BEST1: variants seen among roughly 807,000 people sequenced by gnomAD.
BEST1 encodes bestrophin 1, also known as bestrophin-1.
BEST1 carries 58 observed loss-of-function variants against 63.3 expected under a neutral mutation model. That is an observed-to-expected ratio of 0.92 (90% CI 0.74 to 1.14). The LOEUF is 1.14. Ranked by LOEUF, BEST1 falls within the 50% of genes most tolerant of loss-of-function variation. BEST1 has a pLI of 0.00. For missense variants in BEST1, 671 were observed against 740.1 expected, an observed-to-expected ratio of 0.91 and a Z score of 1.08; for synonymous variants, 283 against 291.6, an observed-to-expected ratio of 0.97 and a Z score of 0.30.
intron 7 of BEST1, chr11:61,958,781 C>T (rs1941683496): frequency 3.0e-6 from 1 of 336,530 alleles, no homozygotes; most frequent in Admixed American, 4.4e-5. Context: ...TTCCTTCCTT[C>T]TGTTGCCCAC....
chr11:61,964,574 A>C, downstream of BEST1: 1 of 897,864 alleles, frequency 1.1e-6, no homozygotes, highest in Non-Finnish European at 1.7e-6. Flanking sequence ...CTGGGTACCA[A>C]ATTTCTTTAT....
chr11:61,951,762 C>G lies in BEST1; in HGVS notation c.-36-9C>G, dbSNP rs1339697502. On this transcript the variant is annotated splice_polypyrimidine_tract_variant and intron_variant, in intron 1 of 10. Coordinates refer to ENST00000378043, the MANE Select transcript of BEST1 (RefSeq NM_004183.4). ...CTACAAACCCCCAATCGGTGTCCCTCTCTACCAGGACCCAAGCCCACCTGC... is the reference window on the plus strand; with the variant it reads ...CTACAAACCCCCAATCGGTGTCCCTGTCTACCAGGACCCAAGCCCACCTGC... 1 of 1,608,086 alleles carries G rather than the reference C, an allele frequency of 6.2e-7. No homozygotes were observed. Among genetic ancestry groups the G allele is most frequent in the Non-Finnish European group, 8.5e-7 (1 of 1,179,690 alleles).
intron 2 of BEST1, among the ~76,000 whole-genome samples, chr11:61,952,377 G>A (rs1008332579): frequency 6.6e-6 from 1 of 151,304 alleles, no homozygotes; most frequent in African/African-American, 2.4e-5. Flanking sequence ...GAACTCCTAG[G>A]CTCAAGCAAT....
At chr11:61,957,069 T>C in intron 5 of BEST1, 71 bp downstream of exon 5, 2 of 1,606,958 alleles carry the variant, frequency 1.2e-6, no homozygotes, top group Non-Finnish European at 1.7e-6. Context: ...CAAGGTTTCC[T>C]ACAAAGAGAA....
chr11:61,952,410 G>T (rs373131642), intron 2 of BEST1, among the ~76,000 whole-genome samples: 4 of 151,466 alleles, frequency 2.6e-5, no homozygotes, highest in African/African-American at 7.3e-5. Context: ...GCCTCCCAAG[G>T]GGCTGGGATT....
In BEST1 at chr11:61,955,859, G is replaced by A; in HGVS notation, c.389G>A (p.Arg130His). The change falls in exon 4 of 11, where the codon CGC (arginine) becomes CAC (histidine). Residue 130 changes from arginine (R) to histidine (H), a missense_variant. Arg to His is a conservative substitution (Grantham distance 29). Coordinates refer to ENST00000378043, the MANE Select transcript of BEST1 (RefSeq NM_004183.4). ...QGRLLRRTLI[R>H]YANLGNVLIL... Reference sequence around the variant, plus strand: ...CGGCTGCTGCGGCGCACGCTCATCCGCTACGCCAACCTGGGCAACGTGCTC... The same window carrying A: ...CGGCTGCTGCGGCGCACGCTCATCCACTACGCCAACCTGGGCAACGTGCTC... The A allele has an allele frequency of 1.3e-6, 2 of 1,550,534 alleles. No individual in the cohort carries two copies. The highest frequency in any genetic ancestry group is 1.2e-5 in the South Asian group (1 of 84,064).
Position 61,960,018 on chromosome 11 carries a change from T to A in BEST1, c.1075T>A (p.Phe359Ile), listed in dbSNP as rs2134456349. Residue 359 changes from phenylalanine (F) to isoleucine (I), a missense_variant, in exon 9 of 11, where the codon TTT becomes ATT. Phe to Ile is a conservative substitution (Grantham distance 21). Transcript: ENST00000378043. The part of the protein sequence containing the change: ...AASAQFRRAS[F>I]MGSTFNISLN... ...TTCCGCCCAGTTCCGTCGAGCCTCC[T>A]TTATGGGCTCCACCTTCAACATCAG... 6.2e-7 allele frequency: 1 copy of A among 1,610,044 alleles called. No homozygotes were observed.
At chr11:61,965,169 A>G (rs1942423000), downstream of BEST1, 2 of 1,601,932 alleles carry the variant, frequency 1.2e-6, no homozygotes, top group African/African-American at 1.3e-5. Context: ...CAGCAAGCCC[A>G]TCATCTCTAA....
chr11:61,951,437 G>A (rs1370204744), intron 1 of BEST1, among the ~76,000 whole-genome samples: 1 of 152,106 alleles, frequency 6.6e-6, no homozygotes, highest in African/African-American at 2.4e-5. Flanking sequence ...TCGAACTCCT[G>A]ACCTTAGGTG....
chr11:61,956,314 T>C (rs1941353550), intron 4 of BEST1, among the ~76,000 whole-genome samples: 1 of 152,010 alleles, frequency 6.6e-6, no homozygotes, highest in African/African-American at 2.4e-5. Context: ...GGGACATTGG[T>C]CTCTGACACC....
chr11:61,954,758 C>T (rs1941089188), intron 2 of BEST1: 4 of 978,542 alleles, frequency 4.1e-6, no homozygotes, highest in Non-Finnish European at 4.9e-6. Context: ...CCCAAACACT[C>T]TGTTTCGACC....
intron 9 of BEST1, chr11:61,960,363 C>G (rs574683710): frequency 2.2e-6 from 1 of 448,160 alleles, no homozygotes; most frequent in African/African-American, 2.0e-5. Context: ...CTCTTGTCAT[C>G]CAGAACTATG....
At chr11:61,958,592 A>C in intron 7 of BEST1, 1 of 693,192 alleles carries the variant, frequency 1.4e-6, no homozygotes, top group Non-Finnish European at 2.4e-6. Context: ...CAAAGCCCTA[A>C]GGTTCAGAAG....
chr11:61,956,908 G>A lies in BEST1; in HGVS notation c.546G>A (p.Trp182Ter), dbSNP rs777978717. ...TGAGCCTACCACACAACATGTTCTG[G>A]GTGCCCTGGGTGTGGTTTGCCAACC... ...EKLSLPHNMFWVPWVWFANLS... is the reference protein window; with the variant it reads ...EKLSLPHNMF Residue 182 changes from tryptophan (W) to a stop codon, truncating the protein, a stop_gained, in exon 5 of 11, where the codon TGG becomes TGA. Transcript: ENST00000378043. LOFTEE classifies it high-confidence loss of function. The A allele has an allele frequency of 1.2e-6, 2 of 1,614,134 alleles. No individual in the cohort carries two copies. Among genetic ancestry groups the A allele is most frequent in the Non-Finnish European group, 1.7e-6 (2 of 1,180,028 alleles).
rs1291458766 is a variant in BEST1 at position 61,958,638 on chromosome 11, TC to T, written c.867+342del. The T allele has an allele frequency of 3.0e-5, 17 of 560,610 alleles. No individual in the cohort carries two copies. In the East Asian group the frequency reaches 4.9e-4, roughly 16 times the overall value. The allele number at this position is 560,610 out of a possible 1,614,324, so 34.7% of individuals were successfully genotyped here. ...TTAGAAGGCAGATCGGCACCACCTC[TC>T]CTTATTCAAGATGCCTGTTGGGCTG... On this transcript the variant is annotated intron_variant, in intron 7 of 10. Transcript: ENST00000378043.
At position 61,956,925 on chromosome 11, in the gene BEST1, T is replaced by C; in HGVS notation, c.563T>C (p.Phe188Ser). The change falls in exon 5 of 11, where the codon TTT (phenylalanine) becomes TCT (serine). Residue 188 changes from phenylalanine to serine, a missense_variant. Phe to Ser is a radical substitution (Grantham distance 155). Transcript: ENST00000378043. ...ATGTTCTGGGTGCCCTGGGTGTGGT[T>C]TGCCAACCTGTCAATGAAGGCGTGG... The part of the protein sequence containing the change: ...HNMFWVPWVW[F>S]ANLSMKAWLG... 6.2e-7 allele frequency: 1 copy of C among 1,614,130 alleles called. No homozygotes were observed. Among genetic ancestry groups the C allele is most frequent in the Non-Finnish European group, 8.5e-7 (1 of 1,180,010 alleles).
At chr11:61,957,488 G>T in intron 6 of BEST1, 24 bp downstream of exon 6, 3 of 1,609,364 alleles carry the variant, frequency 1.9e-6, no homozygotes, top group Non-Finnish European at 2.6e-6. Flanking sequence ...TGGTGAGGCT[G>T]CCCTTTTGGG....
At chr11:61,954,905 G>C in intron 2 of BEST1, 1 of 985,446 alleles carries the variant, frequency 1.0e-6, no homozygotes. Context: ...CCACTGGAGG[G>C]GGCCTCCTCC....
At chr11:61,962,186 G>C in intron 9 of BEST1, 69 bp from the exon 10 acceptor site, 1 of 1,562,516 alleles carries the variant, frequency 6.4e-7, no homozygotes, top group Non-Finnish European at 8.8e-7. Flanking sequence ...GCGGGGGTAA[G>C]GGAGAAGTAA....
Sources: gnomAD v4.1 joint callset for allele counts (sites outside exome capture counted in the v4.1 genomes callset) on GRCh38, gnomAD v4.1.1 for gene constraint, MANE v1.5 for transcripts, NCBI Gene and HGNC (gene_info 2026-07-23, HGNC 2026-07-21) for gene names.